Variants in MUSK observed in about 807,000 individuals in gnomAD.
MUSK encodes the protein muscle associated receptor tyrosine kinase.
Under a neutral mutation model 88.7 loss-of-function variants are expected in MUSK, and 55 were observed. The observed-to-expected ratio is 0.62, with a 90% CI of 0.50 to 0.78. The LOEUF (loss-of-function observed/expected upper bound fraction) is 0.78. Ranked by LOEUF, MUSK falls within the 30% of genes least tolerant of loss-of-function variation. MUSK has a pLI of 0.00. For synonymous variants in MUSK, 387 were observed against 391.9 expected, an observed-to-expected ratio of 0.99 and a Z score of 0.15; for missense variants, 1,015 against 1,074.3, an observed-to-expected ratio of 0.94 and a Z score of 0.77.
intron 1 of MUSK, among the ~76,000 whole-genome samples, chr9:110,681,397 C>A (rs763069996): frequency 4.6e-5 from 7 of 150,586 alleles, no homozygotes; most frequent in Non-Finnish European, 1.0e-4. Flanking sequence ...CTGTGCTCAC[C>A]CTGGGAATTA....
In MUSK at chr9:110,735,043, T is replaced by C. The variant is rs188735502; in HGVS notation, c.753+668T>C. 1.1e-3 allele frequency among the ~76,000 whole-genome samples: 173 copies of C among 151,858 alleles called. 1 individual carries two copies. The Middle Eastern group carries it at 0.017, about 15-fold the overall frequency. On this transcript the variant is annotated intron_variant, in intron 6 of 14. Transcript: ENST00000374448. The stretch of plus-strand genomic sequence containing the variant: ...TGGTGTCAAATGCCATGCAGAAAAA[T>C]AAATCAGGAAAAGGAGACAGAAAGT...
chr9:110,762,288 G>A (rs1047041401), intron 8 of MUSK, 80 bp downstream of exon 8: 1 of 1,170,906 alleles, frequency 8.5e-7, no homozygotes, highest in Admixed American at 2.7e-5. Context: ...GTCTGTGAGA[G>A]GGTCTTGTGT....
At chr9:110,712,101 C>T (rs927154664) in intron 5 of MUSK, among the ~76,000 whole-genome samples, 5 of 150,712 alleles carry the variant, frequency 3.3e-5, no homozygotes, top group African/African-American at 1.2e-4. Flanking sequence ...CTGGTTGCAA[C>T]ACTTCACTGG....
Position 110,683,093 on chromosome 9 carries a change from C to T in MUSK, c.206+293C>T, listed in dbSNP as rs7852446. Among the ~76,000 whole-genome samples the T allele has an allele frequency of 0.7, 106,035 of 151,612 alleles. 38,468 individuals are homozygous for T. Among genetic ancestry groups the T allele is most frequent in the African/African-American group, 0.87 (36,123 of 41,394 alleles). ...TTTTTCATTCTTTCTATTTTTTTTG[C>T]ACCCACTAAACATCCCCTACTCCCC... is the stretch of plus-strand genomic sequence containing the variant. On this transcript the variant is annotated intron_variant, in intron 2 of 14. Transcript: ENST00000374448.
chr9:110,800,468 T>A lies in MUSK; in HGVS notation c.2090T>A (p.Leu697His), dbSNP rs2132066396. 15 of 1,613,556 alleles carry A rather than the reference T, an allele frequency of 9.3e-6. No individual in the cohort carries two copies. The highest frequency in any genetic ancestry group is 1.2e-5 in the Non-Finnish European group (14 of 1,179,770). Residue 697 changes from leucine (L) to histidine (H), a missense_variant, in exon 15 of 15, where the codon CTC (leucine) becomes CAC (histidine). Leu to His is a moderately conservative substitution (Grantham distance 99, BLOSUM62 -3). Transcript: ENST00000374448. ...AQVSSPGPPP[L>H]SCAEQLCIAR... ...GTCTCCAGCCCTGGGCCCCCACCCC[T>A]CTCCTGTGCTGAGCAGCTTTGCATT...
At chr9:110,750,716 C>T (rs1360620782) in intron 7 of MUSK, among the ~76,000 whole-genome samples, 1 of 152,118 alleles carries the variant, frequency 6.6e-6, no homozygotes, top group Non-Finnish European at 1.5e-5. Context: ...CTGCTGTCTG[C>T]CCAACCTTGT....
At chr9:110,702,911 T>A (rs9969824) in intron 5 of MUSK, among the ~76,000 whole-genome samples, 60,157 of 136,266 alleles carry the variant, frequency 0.44, 12,791 homozygotes, top group East Asian at 0.83. Context: ...AAAATAATAA[T>A]AAAAAACCTA....
intron 9 of MUSK, among the ~76,000 whole-genome samples, chr9:110,770,452 TTA>T (rs1239184000): frequency 6.8e-6 from 1 of 146,486 alleles, no homozygotes; most frequent in Non-Finnish European, 1.5e-5. Context: ...TATATATTAA[TTA>T]TATAACATAT....
intron 5 of MUSK, among the ~76,000 whole-genome samples, chr9:110,711,318 C>G (rs1490375273): frequency 1.3e-5 from 2 of 152,162 alleles, no homozygotes; most frequent in Admixed American, 6.5e-5. Context: ...GAGCTTCCTG[C>G]CAGCCTGGGG....
intron 5 of MUSK, among the ~76,000 whole-genome samples, chr9:110,715,257 C>A (rs916404699): frequency 6.7e-6 from 1 of 149,724 alleles, no homozygotes; most frequent in South Asian, 2.1e-4. Flanking sequence ...GAGTTAGCTG[C>A]TATATTAATT....
intron 8 of MUSK, among the ~76,000 whole-genome samples, chr9:110,764,071 G>T (rs1469016080): frequency 6.6e-6 from 1 of 152,160 alleles, no homozygotes; most frequent in African/African-American, 2.4e-5. Context: ...AGTTTATATT[G>T]TAAGGAGGCA....
chr9:110,701,254 G>C (rs543335417), intron 5 of MUSK, among the ~76,000 whole-genome samples: 1 of 152,246 alleles, frequency 6.6e-6, no homozygotes, highest in Admixed American at 6.5e-5. Flanking sequence ...CCACATGGTT[G>C]CAGGGTTTTT....
intron 7 of MUSK, among the ~76,000 whole-genome samples, chr9:110,756,208 G>A (rs2077322421): frequency 6.6e-6 from 1 of 151,762 alleles, no homozygotes; most frequent in African/African-American, 2.4e-5. Context: ...CCTGAATACT[G>A]ACTGTCTCCT....
intron 2 of MUSK, among the ~76,000 whole-genome samples, 174 bp from the exon 3 acceptor site, chr9:110,686,943 A>G (rs2076203534): frequency 6.6e-6 from 1 of 152,200 alleles, no homozygotes; most frequent in Non-Finnish European, 1.5e-5. Flanking sequence ...AGATGAGAAT[A>G]TAATGTTAGC....
At chr9:110,718,580 C>G (rs951463372) in intron 5 of MUSK, among the ~76,000 whole-genome samples, 1 of 151,816 alleles carries the variant, frequency 6.6e-6, no homozygotes, top group Non-Finnish European at 1.5e-5. Flanking sequence ...AAGTTTAGGA[C>G]TATGTTAAAA....
intron 1 of MUSK, among the ~76,000 whole-genome samples, chr9:110,673,953 A>G (rs938189659): frequency 6.6e-6 from 1 of 152,106 alleles, no homozygotes; most frequent in Non-Finnish European, 1.5e-5. Flanking sequence ...TGCTATTTTT[A>G]CTTAGCACTA....
At chr9:110,686,032 C>T (rs2076191826) in intron 2 of MUSK, among the ~76,000 whole-genome samples, 1 of 152,150 alleles carries the variant, frequency 6.6e-6, no homozygotes, top group Admixed American at 6.5e-5. Flanking sequence ...CATAAACGTA[C>T]TATGTTACAG....
At chr9:110,757,033 G>A (rs1215844661) in intron 7 of MUSK, among the ~76,000 whole-genome samples, 5 of 152,040 alleles carry the variant, frequency 3.3e-5, no homozygotes, top group Non-Finnish European at 5.9e-5. Flanking sequence ...GTTTTGATGG[G>A]ATTAATTCAG....
chr9:110,726,834 C>T lies in MUSK; in HGVS notation c.629-7417C>T, dbSNP rs139891308. 3.8e-4 allele frequency among the ~76,000 whole-genome samples: 58 copies of T among 152,024 alleles called. 1 individual carries two copies. The highest frequency in any genetic ancestry group is 1.3e-3 in the African/African-American group (55 of 41,522). ...GGGCTCTAGAAAGATGTGTCCAGCCCGAAGGCATTCAAATGCAATTTTTCA... is the reference window on the plus strand; with the variant it reads ...GGGCTCTAGAAAGATGTGTCCAGCCTGAAGGCATTCAAATGCAATTTTTCA... On this transcript the variant is annotated intron_variant, in intron 5 of 14. Coordinates refer to ENST00000374448, the MANE Select transcript of MUSK (RefSeq NM_005592.4).
Sources: allele counts gnomAD v4.1 joint callset (sites outside exome capture counted in the v4.1 genomes callset), GRCh38; gene constraint gnomAD v4.1.1; transcripts MANE v1.5; gene names NCBI Gene and HGNC (gene_info 2026-07-23, HGNC 2026-07-21).